The following PDGFRA variants were observed in gnomAD, a reference collection of about 807,000 sequenced individuals.
The protein encoded by PDGFRA is platelet derived growth factor receptor alpha.
PDGFRA carries 25 observed loss-of-function variants against 121.5 expected under a neutral mutation model. The ratio of observed to expected loss-of-function variants is 0.21; its 90% confidence interval spans 0.15 to 0.29. PDGFRA has a LOEUF of 0.29. Ranked by LOEUF, PDGFRA falls within the 10% of genes least tolerant of loss-of-function variation. The probability of loss-of-function intolerance (pLI) is 1.00; values close to 1 mark genes in which losing one functional copy is unlikely to be tolerated. For missense variants in PDGFRA, 1,008 were observed against 1,345.1 expected, an observed-to-expected ratio of 0.75 and a Z score of 3.92; for synonymous variants, 463 against 494.8, an observed-to-expected ratio of 0.94 and a Z score of 0.85.
At chr4:54,233,203 C>T (rs1720796935) in intron 1 of PDGFRA, among the ~76,000 whole-genome samples, 1 of 151,144 alleles carries the variant, frequency 6.6e-6, no homozygotes, top group Non-Finnish European at 1.5e-5. Context: ...GCGCAGGTCC[C>T]CGGAGCGGCT....
At chr4:54,290,176 C>G (rs1724552252) in intron 21 of PDGFRA, 137 bp from the exon 22 acceptor site, 1 of 733,754 alleles carries the variant, frequency 1.4e-6, no homozygotes, top group African/African-American at 1.7e-5. Flanking sequence ...ACATGACTCT[C>G]CTTCAACTAA....
At chr4:54,278,079 A>AATCC in intron 14 of PDGFRA, 73 bp downstream of exon 14, 1 of 913,422 alleles carries the variant, frequency 1.1e-6, no homozygotes, top group Non-Finnish European at 1.8e-6. Flanking sequence ...ATCAGGCTTA[A>AATCC]ATCCTCCACT....
chr4:54,260,150 A>T (rs1467097811), intron 2 of PDGFRA, among the ~76,000 whole-genome samples: 1 of 152,170 alleles, frequency 6.6e-6, no homozygotes, highest in Non-Finnish European at 1.5e-5. Flanking sequence ...CCAATTGTGA[A>T]TTAAAATCCG....
At chr4:54,281,395 T>C (rs1468470659) in intron 16 of PDGFRA, among the ~76,000 whole-genome samples, 1 of 152,250 alleles carries the variant, frequency 6.6e-6, no homozygotes, top group Admixed American at 6.5e-5. Context: ...TAAAAAAGAA[T>C]GTGTTTGTTT....
chr4:54,278,201 A>G, intron 14 of PDGFRA, 161 bp from the exon 15 acceptor site: 1 of 720,572 alleles, frequency 1.4e-6, no homozygotes, highest in East Asian at 2.7e-5. Context: ...CAGTCCAGTC[A>G]TAGCCATTCA....
In PDGFRA at chr4:54,252,727, C is replaced by T. The variant is rs1453492758; in HGVS notation, c.-12-6030C>T. Among the ~76,000 whole-genome samples, 12 of 152,190 alleles carry T rather than the reference C, an allele frequency of 7.9e-5. No homozygotes were observed. In the South Asian group the frequency reaches 2.3e-3, roughly 29 times the overall value. On this transcript the variant is annotated intron_variant, in intron 1 of 22. Transcript: ENST00000257290. ...GAGAGAGTCTCTTGTGGTCTTTAAT[C>T]ATGTGAGGGTGGGGTGAAATTCAAT...
chr4:54,251,737 A>G (rs148490838), intron 1 of PDGFRA, among the ~76,000 whole-genome samples: 32 of 152,354 alleles, frequency 2.1e-4, no homozygotes, highest in African/African-American at 7.2e-4. Flanking sequence ...TGGGACATCA[A>G]GAAGAAAGGA....
At chr4:54,247,090 CAA>C (rs1293553170) in intron 1 of PDGFRA, among the ~76,000 whole-genome samples, 2 of 152,066 alleles carry the variant, frequency 1.3e-5, no homozygotes, top group East Asian at 3.9e-4. Context: ...GCTTACCAAC[CAA>C]AAAGAGTCCA....
intron 12 of PDGFRA, among the ~76,000 whole-genome samples, chr4:54,276,971 T>A (rs895372909): frequency 2.0e-5 from 3 of 152,146 alleles, no homozygotes; most frequent in African/African-American, 7.2e-5. Context: ...AATACTGAAG[T>A]ATTTCCAGTG....
At chr4:54,278,034 T>G (rs1374416215) in intron 14 of PDGFRA, 28 bp downstream of exon 14, 1 of 1,289,644 alleles carries the variant, frequency 7.8e-7, no homozygotes, top group African/African-American at 1.5e-5. Context: ...GAGTGAGGAT[T>G]TTCACTGGAC....
At chr4:54,247,835 C>T (rs1721784986) in intron 1 of PDGFRA, among the ~76,000 whole-genome samples, 1 of 152,110 alleles carries the variant, frequency 6.6e-6, no homozygotes, top group African/African-American at 2.4e-5. Context: ...ATTGTCTCAG[C>T]CCAAAATCTC....
intron 1 of PDGFRA, among the ~76,000 whole-genome samples, chr4:54,241,332 A>G (rs1185550990): frequency 1.3e-5 from 2 of 152,162 alleles, no homozygotes; most frequent in African/African-American, 4.8e-5. Context: ...AAATTTTATG[A>G]GAAAGGATCT....
At chr4:54,250,281 A>G (rs1344999358) in intron 1 of PDGFRA, among the ~76,000 whole-genome samples, 1 of 152,208 alleles carries the variant, frequency 6.6e-6, no homozygotes, top group African/African-American at 2.4e-5. Context: ...TCTATTTTGT[A>G]ATATCAACTG....
rs1724302022 is a variant in PDGFRA, at chr4:54,285,411, A to C, written c.2364A>C (p.Glu788Asp). The change falls in exon 17 of 23, where the codon GAA (glutamate) becomes GAC (aspartate). Residue 788 changes from glutamate (E) to aspartate (D), a missense_variant. Physicochemically the swap from Glu to Asp is conservative, Grantham distance 45. Coordinates refer to ENST00000257290, the MANE Select transcript of PDGFRA (RefSeq NM_006206.6). ...ACCTCCTTTCAGATGATAACTCAGAAGGCCTTACTTTATTGGATTTGTTGA... is the reference window on the plus strand; with the variant it reads ...ACCTCCTTTCAGATGATAACTCAGACGGCCTTACTTTATTGGATTTGTTGA... ...VKNLLSDDNS[E>D]GLTLLDLLSF... 4.5e-6 allele frequency: 7 copies of C among 1,569,252 alleles called. No individual in the cohort carries two copies. Among genetic ancestry groups the C allele is most frequent in the Non-Finnish European group, 3.5e-6 (4 of 1,139,194 alleles).
chr4:54,247,111 T>C (rs1721724869), intron 1 of PDGFRA, among the ~76,000 whole-genome samples: 1 of 152,122 alleles, frequency 6.6e-6, no homozygotes, highest in Non-Finnish European at 1.5e-5. Context: ...CAGGACCAGA[T>C]GGATTCACAG....
At chr4:54,284,855 T>C (rs148084451) in intron 16 of PDGFRA, among the ~76,000 whole-genome samples, 30 of 151,038 alleles carry the variant, frequency 2.0e-4, no homozygotes, top group African/African-American at 6.8e-4. Flanking sequence ...TGCATATCTC[T>C]TTCCTTTCTT....
chr4:54,249,631 GT>G (rs1293006236), intron 1 of PDGFRA, among the ~76,000 whole-genome samples: 2 of 151,970 alleles, frequency 1.3e-5, no homozygotes, highest in Non-Finnish European at 2.9e-5. Context: ...TCTGGGGACT[GT>G]TGTGGGGTGG....
chr4:54,260,146 G>T (rs1722607363), intron 2 of PDGFRA, among the ~76,000 whole-genome samples: 1 of 152,088 alleles, frequency 6.6e-6, no homozygotes, highest in African/African-American at 2.4e-5. Context: ...CTTACCAATT[G>T]TGAATTAAAA....
chr4:54,259,677 A>T (rs911484942), intron 2 of PDGFRA, among the ~76,000 whole-genome samples: 1 of 152,200 alleles, frequency 6.6e-6, no homozygotes, highest in Non-Finnish European at 1.5e-5. Context: ...GAATTGAGCA[A>T]GACCAGAGAT....
Sources: gnomAD v4.1 joint callset for allele counts (sites outside exome capture counted in the v4.1 genomes callset) on GRCh38, gnomAD v4.1.1 for gene constraint, MANE v1.5 for transcripts, NCBI Gene and HGNC (gene_info 2026-07-23, HGNC 2026-07-21) for gene names.